The following STAG3 variants were observed in gnomAD, a reference collection of about 807,000 sequenced individuals.
The protein encoded by STAG3 is STAG3 cohesin complex component, also known as cohesin subunit SA-3.
STAG3 carries 101 observed loss-of-function variants against 160.7 expected under a neutral mutation model. The ratio of observed to expected loss-of-function variants is 0.63; its 90% CI spans 0.54 to 0.74. STAG3 has a LOEUF of 0.74. Among genes scored for constraint, STAG3 ranks in the 30% least tolerant of loss-of-function variants. The probability of loss-of-function intolerance (pLI) is 0.00; values close to 1 mark genes in which losing one functional copy is unlikely to be tolerated. For synonymous variants in STAG3, 519 were observed against 585.0 expected (o/e 0.89, Z 1.63); for missense variants, 1,188 against 1,517.4 (o/e 0.78, Z 3.61).
chr7:100,215,116 T>A (rs1048205036), downstream of STAG3: 14 of 152,198 alleles, frequency 9.2e-5, no homozygotes, highest in African/African-American at 2.9e-4. Flanking sequence ...TGTTGTCATT[T>A]TGTACTTTCA....
chr7:100,191,628 G>A (rs1380685728), intron 8 of STAG3, among the ~76,000 whole-genome samples: 1 of 152,158 alleles, frequency 6.6e-6, no homozygotes, highest in Non-Finnish European at 1.5e-5. Context: ...AACCTTTAGC[G>A]AGTTAAATCT....
downstream of STAG3, among the ~76,000 whole-genome samples, chr7:100,216,786 T>C (rs1802788594): frequency 6.6e-6 from 1 of 151,312 alleles, no homozygotes; most frequent in African/African-American, 2.4e-5. Context: ...AAAAAAAAAG[T>C]TCAATTTATT....
chr7:100,211,257 C>T lies in STAG3; in HGVS notation c.3413+72C>T. On this transcript the variant is annotated intron_variant, in intron 30 of 33. Coordinates refer to ENST00000615138, the MANE Select transcript of STAG3 (RefSeq NM_001282717.2). ...TCTGGCTGCCTCCATCTTGCTGTTT[C>T]TGTTTCATGGTTCCCTGCTGTAGCA... The T allele has an allele frequency of 3.9e-6, 6 of 1,520,792 alleles. No individual in the cohort carries two copies. The South Asian group carries it at 5.2e-5, about 13-fold the overall frequency. The allele number at this position is 1,520,792 out of a possible 1,614,324, so 94.2% of individuals were successfully genotyped here.
At chr7:100,182,046 G>A in intron 2 of STAG3, 44 bp from the exon 3 acceptor site, 2 of 1,443,272 alleles carry the variant, frequency 1.4e-6, no homozygotes, top group Non-Finnish European at 1.9e-6. Context: ...TTATATGGAG[G>A]GAATAGGGTG....
chr7:100,188,014 C>T (rs1800134464), intron 5 of STAG3, among the ~76,000 whole-genome samples: 1 of 152,168 alleles, frequency 6.6e-6, no homozygotes, highest in Non-Finnish European at 1.5e-5. Flanking sequence ...CCTTGGCCTC[C>T]CAAAGTGCTG....
In STAG3 at chr7:100,195,310, T is replaced by TC; in HGVS notation, c.871dup (p.Gln291ProfsTer8). The TC allele has an allele frequency of 4.3e-6, 7 of 1,614,116 alleles. No individual in the cohort carries two copies. The highest frequency in any genetic ancestry group is 5.9e-6 in the Non-Finnish European group (7 of 1,179,982). ...AACCCGTTTCTCCCTGTCCTCCAGCTCCAAGAGCATCAAGAGGAGATTGAG... is the reference window on the plus strand; with the variant it reads ...AACCCGTTTCTCCCTGTCCTCCAGCTCCCAAGAGCATCAAGAGGAGATTGAG... On this transcript the variant is annotated frameshift_variant and splice_region_variant, in exon 9 of 34. Transcript: ENST00000615138. LOFTEE classifies it high-confidence loss of function.
intron 8 of STAG3, among the ~76,000 whole-genome samples, chr7:100,191,654 G>T (rs1800351339): frequency 6.6e-6 from 1 of 152,202 alleles, no homozygotes; most frequent in Non-Finnish European, 1.5e-5. Flanking sequence ...TTGGTGGAGG[G>T]TCTTGCCTCC....
intron 29 of STAG3, among the ~76,000 whole-genome samples, chr7:100,206,981 A>G (rs1273846056): frequency 1.3e-5 from 2 of 152,214 alleles, no homozygotes; most frequent in Admixed American, 1.3e-4. Flanking sequence ...ATGGAATCAT[A>G]TAATATGTGG....
chr7:100,187,852 G>T (rs1282883419), intron 5 of STAG3, among the ~76,000 whole-genome samples: 1 of 150,620 alleles, frequency 6.6e-6, no homozygotes, highest in Non-Finnish European at 1.5e-5. Context: ...CGCCTCCCAG[G>T]TTCAAGCGAT....
chr7:100,210,254 C>T (rs938913701), intron 29 of STAG3, among the ~76,000 whole-genome samples: 5 of 152,106 alleles, frequency 3.3e-5, no homozygotes, highest in Non-Finnish European at 5.9e-5. Flanking sequence ...ATAGGCTGAG[C>T]GCTCACTTTG....
Position 100,205,384 on chromosome 7 carries a change from G to GGTA in STAG3, c.3238+2_3238+4dup. The GGTA allele has an allele frequency of 6.2e-7, 1 of 1,611,608 alleles. No homozygotes were observed. Among genetic ancestry groups the GGTA allele is most frequent in the Non-Finnish European group, 8.5e-7 (1 of 1,178,902 alleles). ...CAGCTCCAAGAGGAGGCGCGTTGAA[G>GGTA]GTAGGGTGCTGTGTGTGGGTATGGG... On this transcript the variant is annotated inframe_insertion and splice_region_variant. Transcript: ENST00000615138.
Position 100,201,867 on chromosome 7 carries a change from G to A in STAG3, c.2301+1G>A. 6.2e-7 allele frequency: 1 copy of A among 1,614,098 alleles called. No homozygotes were observed. The highest frequency in any genetic ancestry group is 8.5e-7 in the Non-Finnish European group (1 of 1,179,980). ...CATTTCTAAATCAGATGCTTCCCAG[G>A]TGAGTGTGGGTCTTAGATGGGATAA... On this transcript the variant is annotated splice_donor_variant, in intron 22 of 33. Coordinates refer to ENST00000615138, the MANE Select transcript of STAG3 (RefSeq NM_001282717.2). LOFTEE classifies it high-confidence loss of function.
chr7:100,190,181 T>C (rs1800270028), intron 8 of STAG3, among the ~76,000 whole-genome samples: 1 of 152,232 alleles, frequency 6.6e-6, no homozygotes, highest in Non-Finnish European at 1.5e-5. Context: ...ATACTTGTTT[T>C]GTTTCCTTTT....
At chr7:100,196,173 C>T (rs1299357025) in intron 9 of STAG3, among the ~76,000 whole-genome samples, 2 of 152,078 alleles carry the variant, frequency 1.3e-5, no homozygotes, top group Non-Finnish European at 2.9e-5. Context: ...ATGTTTCTCA[C>T]TCTTACCTAG....
chr7:100,190,854 C>G (rs573386664), intron 8 of STAG3, among the ~76,000 whole-genome samples: 4 of 152,268 alleles, frequency 2.6e-5, no homozygotes, highest in Admixed American at 1.3e-4. Flanking sequence ...ATTCCTAAAG[C>G]CAGTAGCCTT....
At chr7:100,188,047 C>T (rs1800136690) in intron 5 of STAG3, among the ~76,000 whole-genome samples, 2 of 152,202 alleles carry the variant, frequency 1.3e-5, no homozygotes, top group South Asian at 2.1e-4. Context: ...TGACCGACTG[C>T]ACCCGGCTGG....
intron 30 of STAG3, 124 bp from the exon 31 acceptor site, chr7:100,211,311 C>T: frequency 6.8e-7 from 1 of 1,471,926 alleles, no homozygotes; most frequent in Admixed American, 2.0e-5. Context: ...CTTCTCAAAC[C>T]CTTCTCCATT....
chr7:100,186,384 C>T (rs1800006315), intron 5 of STAG3, 88 bp downstream of exon 5: 2 of 1,267,176 alleles, frequency 1.6e-6, no homozygotes, highest in Non-Finnish European at 2.3e-6. Context: ...TAGGATTAGA[C>T]ATTTCCTAAA....
Position 100,198,827 on chromosome 7 carries a change from G to A in STAG3, c.1353-16G>A, listed in dbSNP as rs373884932. 54 of 1,605,588 alleles carry A rather than the reference G, an allele frequency of 3.4e-5. No individual in the cohort carries two copies. Among genetic ancestry groups the A allele is most frequent in the African/African-American group, 8.0e-5 (6 of 74,742 alleles). ...TCCTGTTGTGCTGAGCCCTTTCCTCGTGTCCATTCCACCAGACTCTTCTAC... is the reference window on the plus strand; with the variant it reads ...TCCTGTTGTGCTGAGCCCTTTCCTCATGTCCATTCCACCAGACTCTTCTAC... On this transcript the variant is annotated splice_polypyrimidine_tract_variant and intron_variant, in intron 13 of 33. Transcript: ENST00000615138.
Sources: gnomAD v4.1 joint callset for allele counts (sites outside exome capture counted in the v4.1 genomes callset) on GRCh38, gnomAD v4.1.1 for gene constraint, MANE v1.5 for transcripts, NCBI Gene and HGNC (gene_info 2026-07-23, HGNC 2026-07-21) for gene names.